Variants in PCDH15 observed in about 807,000 individuals in gnomAD.
PCDH15 encodes protocadherin-15.
PCDH15 carries 129 observed loss-of-function variants against 178.5 expected under a neutral mutation model. The ratio of observed to expected loss-of-function variants is 0.72; its 90% CI spans 0.63 to 0.84. The LOEUF is 0.84. Ranked by LOEUF, PCDH15 falls within the 40% of genes least tolerant of loss-of-function variation. PCDH15 has a pLI of 0.00. For synonymous variants in PCDH15, 800 were observed against 732.0 expected, an observed-to-expected ratio of 1.09 and a Z score of -1.50; for missense variants, 2,230 against 2,099.9, an observed-to-expected ratio of 1.06 and a Z score of -1.21.
intron 3 of PCDH15, among the ~76,000 whole-genome samples, chr10:54,413,308 C>A (rs185400573): frequency 1.4e-3 from 213 of 152,246 alleles, no homozygotes; most frequent in Non-Finnish European, 2.1e-3. Context: ...TCTGAAGGCA[C>A]TATTTCTCAA....
intron 10 of PCDH15, among the ~76,000 whole-genome samples, chr10:54,199,022 T>TGATGAAAACAAAGTGATTC (rs1433363001): frequency 6.6e-6 from 1 of 152,170 alleles, no homozygotes. Context: ...ATTATTTGCA[T>TGATGAAAACAAAGTGATTC]GATGAAAACA....
intron 2 of PCDH15, among the ~76,000 whole-genome samples, chr10:54,990,241 T>C (rs78075997): frequency 0.022 from 3,287 of 152,348 alleles, 126 homozygotes; most frequent in African/African-American, 0.075. Flanking sequence ...GCAGTAAATA[T>C]ATCTGTGTAA....
At chr10:54,252,647 A>G (rs932723872) in intron 8 of PCDH15, among the ~76,000 whole-genome samples, 9 of 152,186 alleles carry the variant, frequency 5.9e-5, no homozygotes, top group African/African-American at 2.2e-4. Context: ...CAACTTATTC[A>G]TTATGTAAAT....
chr10:54,708,594 T>C (rs1185053990), intron 1 of PCDH15, among the ~76,000 whole-genome samples: 1 of 152,188 alleles, frequency 6.6e-6, no homozygotes, highest in Non-Finnish European at 1.5e-5. Context: ...TTTTACTGTT[T>C]CTCTTTGTTT....
intron 2 of PCDH15, among the ~76,000 whole-genome samples, chr10:54,585,366 A>T (rs1404183033): frequency 6.6e-6 from 1 of 152,168 alleles, no homozygotes; most frequent in Non-Finnish European, 1.5e-5. Flanking sequence ...TGAATATTTT[A>T]AAACTTCGGC....
At chr10:55,163,063 A>T (rs1282040735) in intron 2 of PCDH15, among the ~76,000 whole-genome samples, 1 of 152,144 alleles carries the variant, frequency 6.6e-6, no homozygotes, top group Non-Finnish European at 1.5e-5. Flanking sequence ...AAGCACACTC[A>T]GTCCAGAAGG....
intron 3 of PCDH15, among the ~76,000 whole-genome samples, chr10:54,411,576 A>G (rs532848466): frequency 6.6e-6 from 1 of 152,328 alleles, no homozygotes; most frequent in African/African-American, 2.4e-5. Flanking sequence ...AAAGGATTAA[A>G]TGATAAGCTA....
At chr10:54,054,860 A>G (rs2093851934) in intron 18 of PCDH15, among the ~76,000 whole-genome samples, 2 of 152,232 alleles carry the variant, frequency 1.3e-5, no homozygotes, top group South Asian at 4.1e-4. Context: ...TTTGCATTAT[A>G]TAGTTTGGCT....
At chr10:54,550,784 C>A (rs2086484151) in intron 2 of PCDH15, among the ~76,000 whole-genome samples, 1 of 152,068 alleles carries the variant, frequency 6.6e-6, no homozygotes, top group South Asian at 2.1e-4. Flanking sequence ...CTAGGTGAAT[C>A]CACATCAAGC....
At chr10:53,999,229 C>T (rs1041848126) in intron 20 of PCDH15, among the ~76,000 whole-genome samples, 9 of 152,108 alleles carry the variant, frequency 5.9e-5, no homozygotes, top group Non-Finnish European at 1.0e-4. Context: ...TATATGGCTG[C>T]TCTATAATGC....
intron 21 of PCDH15, among the ~76,000 whole-genome samples, chr10:53,970,419 T>C (rs1175316219): frequency 1.3e-5 from 2 of 151,744 alleles, no homozygotes; most frequent in Non-Finnish European, 2.9e-5. Context: ...TGGGGGACTT[T>C]AACACCTTCA....
chr10:54,201,001 G>T (rs11004133), intron 10 of PCDH15, among the ~76,000 whole-genome samples: 1 of 152,098 alleles, frequency 6.6e-6, no homozygotes, highest in South Asian at 2.1e-4. Context: ...AGACGTTTCA[G>T]ATATAAATAC....
chr10:54,169,009 C>T (rs560985477), intron 13 of PCDH15, among the ~76,000 whole-genome samples: 13 of 152,258 alleles, frequency 8.5e-5, no homozygotes, highest in African/African-American at 2.9e-4. Flanking sequence ...TCCAGAACCT[C>T]CTCCCACAGG....
intron 2 of PCDH15, among the ~76,000 whole-genome samples, chr10:55,028,230 T>A (rs1040464207): frequency 6.6e-6 from 1 of 151,890 alleles, no homozygotes; most frequent in Admixed American, 6.6e-5. Context: ...AATGATAATA[T>A]GGCTAAAAAT....
chr10:55,314,460 A>C (rs1337725036), intron 1 of PCDH15, among the ~76,000 whole-genome samples: 1 of 151,934 alleles, frequency 6.6e-6, no homozygotes, highest in Non-Finnish European at 1.5e-5. Context: ...ATAATGGGAA[A>C]CAATTCCATG....
intron 25 of PCDH15, among the ~76,000 whole-genome samples, chr10:53,907,720 T>C (rs1477863710): frequency 6.6e-6 from 1 of 152,142 alleles, no homozygotes; most frequent in African/African-American, 2.4e-5. Context: ...TGCAATGTTT[T>C]AAAGAAAGAG....
intron 1 of PCDH15, among the ~76,000 whole-genome samples, chr10:54,740,726 G>A (rs1944685618): frequency 6.6e-6 from 1 of 151,912 alleles, no homozygotes; most frequent in South Asian, 2.1e-4. Flanking sequence ...CAGCAACATG[G>A]ATAGAACTGG....
At chr10:55,167,720 C>T (rs2680311) in intron 1 of PCDH15, among the ~76,000 whole-genome samples, 150,047 of 152,216 alleles carry the variant, frequency 0.99, 74,000 homozygotes, top group East Asian at 1. Flanking sequence ...TTCAAACACA[C>T]AAACATGTAG....
At chr10:54,725,256 C>T (rs1942309734) in intron 1 of PCDH15, among the ~76,000 whole-genome samples, 1 of 150,816 alleles carries the variant, frequency 6.6e-6, no homozygotes, top group South Asian at 2.1e-4. Context: ...ACATTATAGT[C>T]ACAGACACTA....
Sources: allele counts gnomAD v4.1 joint callset (sites outside exome capture counted in the v4.1 genomes callset), GRCh38; gene constraint gnomAD v4.1.1; transcripts MANE v1.5; gene names NCBI Gene and HGNC (gene_info 2026-07-23, HGNC 2026-07-21).